The following EYS variants were observed in gnomAD, a reference collection of about 807,000 sequenced individuals.
The protein encoded by EYS is protein eyes shut homolog.
EYS carries 250 observed loss-of-function variants against 282.1 expected under a neutral mutation model. The observed-to-expected ratio is 0.89, with a 90% CI of 0.80 to 0.98. The LOEUF (loss-of-function observed/expected upper bound fraction) is 0.98, where lower values mean the gene tolerates loss of function less well. EYS is among the 50% of genes least tolerant of loss of function. The pLI is 0.00. For missense variants in EYS, 4,016 were observed against 3,709.0 expected (o/e 1.08, Z -2.15); for synonymous variants, 1,355 against 1,282.9 (o/e 1.06, Z -1.20).
At chr6:65,268,415 T>C (rs534231965) in intron 12 of EYS, among the ~76,000 whole-genome samples, 1 of 152,214 alleles carries the variant, frequency 6.6e-6, no homozygotes, top group South Asian at 2.1e-4. Flanking sequence ...GTAATATAAG[T>C]AAACAATAGT....
chr6:65,039,497 T>C (rs1044440148), intron 13 of EYS, among the ~76,000 whole-genome samples: 2 of 151,488 alleles, frequency 1.3e-5, no homozygotes, highest in Non-Finnish European at 3.0e-5. Flanking sequence ...TTAAAACACA[T>C]GTCAATTTTT....
At position 64,591,101 on chromosome 6, in the gene EYS, T is replaced by C; in HGVS notation, c.4766A>G (p.Asn1589Ser). ...ATACCAGCTGGCTAATATCGCTGAG[T>C]TCATCCAGAATGTCTCATAAAAGTG... ...QSHFYETFWMNSAILASWYAL... is the reference protein window; with the variant it reads ...QSHFYETFWMSSAILASWYAL... Residue 1589 changes from asparagine to serine, a missense_variant, in exon 26 of 43, where the codon AAC becomes AGC. Coordinates refer to ENST00000503581, the MANE Select transcript of EYS (RefSeq NM_001142800.2). The C allele has an allele frequency of 1.3e-6, 2 of 1,551,280 alleles. No homozygotes were observed. Among genetic ancestry groups the C allele is most frequent in the South Asian group, 2.4e-5 (2 of 84,056 alleles).
chr6:64,843,035 C>T (rs372674254), intron 19 of EYS, among the ~76,000 whole-genome samples: 1 of 152,234 alleles, frequency 6.6e-6, no homozygotes, highest in East Asian at 1.9e-4. Context: ...ATCACAGACC[C>T]AGAATGCTAG....
chr6:64,155,990 ATG>A (rs141895339), intron 31 of EYS, among the ~76,000 whole-genome samples: 68 of 148,320 alleles, frequency 4.6e-4, no homozygotes, highest in African/African-American at 7.2e-4. Context: ...ATATATATAT[ATG>A]TGTGTGTGTG....
chr6:65,525,666 ACT>A (rs1428551223), intron 2 of EYS, among the ~76,000 whole-genome samples: 1 of 152,222 alleles, frequency 6.6e-6, no homozygotes, highest in East Asian at 1.9e-4. Flanking sequence ...CTAATCACTG[ACT>A]CTTTTGTTTT....
chr6:65,221,515 A>G (rs1282476072), intron 12 of EYS, among the ~76,000 whole-genome samples: 1 of 152,216 alleles, frequency 6.6e-6, no homozygotes, highest in East Asian at 1.9e-4. Flanking sequence ...ATAAAAGTCA[A>G]GAATTGAGAT....
intron 13 of EYS, among the ~76,000 whole-genome samples, chr6:65,017,003 A>G (rs1002408492): frequency 6.6e-6 from 1 of 152,168 alleles, no homozygotes; most frequent in African/African-American, 2.4e-5. Flanking sequence ...GCTATCTATC[A>G]TCTAGAAATT....
intron 22 of EYS, among the ~76,000 whole-genome samples, chr6:64,636,919 T>C (rs1412025175): frequency 2.9e-5 from 4 of 136,922 alleles, no homozygotes; most frequent in Non-Finnish European, 6.3e-5. Context: ...AGAATGGCAA[T>C]CATTAAAAAG....
intron 30 of EYS, among the ~76,000 whole-genome samples, chr6:64,296,286 G>A (rs1768983489): frequency 6.6e-6 from 1 of 152,092 alleles, no homozygotes; most frequent in South Asian, 2.1e-4. Flanking sequence ...GAATGCAGAA[G>A]CACATATGAG....
intron 33 of EYS, among the ~76,000 whole-genome samples, chr6:64,015,548 A>G (rs907520992): frequency 6.6e-6 from 1 of 152,250 alleles, no homozygotes; most frequent in Non-Finnish European, 1.5e-5. Context: ...AAAGGATAAA[A>G]GAAATTAGTT....
chr6:65,311,990 T>C (rs1427477659), intron 11 of EYS, among the ~76,000 whole-genome samples: 4 of 152,176 alleles, frequency 2.6e-5, no homozygotes, highest in African/African-American at 9.7e-5. Flanking sequence ...CTGGATATCA[T>C]GTATTTTATC....
At chr6:64,522,797 G>C (rs1344956570) in intron 26 of EYS, among the ~76,000 whole-genome samples, 1 of 151,750 alleles carries the variant, frequency 6.6e-6, no homozygotes, top group African/African-American at 2.4e-5. Context: ...AAATAAAACA[G>C]ATGTCAAAGG....
At chr6:64,342,810 C>T (rs1771179828) in intron 29 of EYS, among the ~76,000 whole-genome samples, 1 of 152,030 alleles carries the variant, frequency 6.6e-6, no homozygotes, top group African/African-American at 2.4e-5. Flanking sequence ...TCAGGAAACC[C>T]ATCTCACGTG....
intron 1 of EYS, among the ~76,000 whole-genome samples, chr6:65,653,847 A>C (rs903272008): frequency 6.6e-6 from 1 of 151,888 alleles, no homozygotes; most frequent in Non-Finnish European, 1.5e-5. Context: ...AGTGTCCTCT[A>C]CATCTCACAT....
chr6:64,098,655 C>T lies in EYS; in HGVS notation c.6425-16653G>A, dbSNP rs567540787. 3.7e-4 allele frequency among the ~76,000 whole-genome samples: 55 copies of T among 148,818 alleles called. No homozygotes were observed. In the South Asian group the frequency reaches 4.2e-3, roughly 11 times the overall value. On this transcript the variant is annotated intron_variant, in intron 31 of 42. Coordinates refer to ENST00000503581, the MANE Select transcript of EYS (RefSeq NM_001142800.2). ...TTGCTCTGTCGCCCAGGCTGGAGTG[C>T]GGTGGTGCCATCTCGGCTCACTGCA...
intron 14 of EYS, among the ~76,000 whole-genome samples, chr6:64,955,941 A>G (rs761764681): frequency 5.9e-5 from 9 of 152,178 alleles, no homozygotes; most frequent in Admixed American, 5.9e-4. Context: ...TGGTGTCCAC[A>G]TGCCTTATTC....
At position 64,638,111 on chromosome 6, in the gene EYS, T is replaced by C. The variant is rs1254907976; in HGVS notation, c.3444-11866A>G. On this transcript the variant is annotated intron_variant, in intron 22 of 42. Transcript: ENST00000503581. ...CCTGAACTGACAGTTCAAAAATGTA[T>C]AGGAGTGCATTCTGAGAATACAACT... 4.4e-5 allele frequency among the ~76,000 whole-genome samples: 4 copies of C among 90,558 alleles called. 2 individuals are homozygous for C. The highest frequency in any genetic ancestry group is 8.4e-5 in the African/African-American group (2 of 23,790). 59.4% of individuals were successfully genotyped at this position (90,558 alleles called of 152,430 possible). A position where few individuals can be genotyped will look rare whatever the true frequency, so the allele number is the denominator to read the frequency against.
intron 26 of EYS, among the ~76,000 whole-genome samples, chr6:64,495,630 A>G (rs554606730): frequency 6.6e-6 from 1 of 151,966 alleles, no homozygotes; most frequent in East Asian, 1.9e-4. Context: ...TGTTGTGGAA[A>G]CAGTGTAACA....
At chr6:64,391,044 A>G (rs1240017754) in intron 28 of EYS, among the ~76,000 whole-genome samples, 1 of 152,214 alleles carries the variant, frequency 6.6e-6, no homozygotes, top group Non-Finnish European at 1.5e-5. Context: ...GATGAAATGA[A>G]TGAAATGAAG....
Sources: allele counts gnomAD v4.1 joint callset (sites outside exome capture counted in the v4.1 genomes callset), GRCh38; gene constraint gnomAD v4.1.1; transcripts MANE v1.5; gene names NCBI Gene and HGNC (gene_info 2026-07-23, HGNC 2026-07-21).